Variants in CEMIP2 observed in about 807,000 individuals in gnomAD.
CEMIP2 encodes the protein cell surface hyaluronidase CEMIP2.
CEMIP2 carries 79 observed loss-of-function variants against 146.9 expected under a neutral mutation model. That is an observed-to-expected ratio of 0.54 (90% CI 0.45 to 0.65). The LOEUF (loss-of-function observed/expected upper bound fraction) is 0.65. Among genes scored for constraint, CEMIP2 ranks in the 30% least tolerant of loss-of-function variants. The pLI is 0.00. For missense variants in CEMIP2, 1,596 were observed against 1,696.2 expected (o/e 0.94, Z 1.04); for synonymous variants, 601 against 606.3 (o/e 0.99, Z 0.13).
intron 1 of CEMIP2, among the ~76,000 whole-genome samples, chr9:71,755,440 G>A (rs143930999): frequency 6.5e-4 from 99 of 151,730 alleles, no homozygotes; most frequent in African/African-American, 2.2e-3. Context: ...CTCCGGAGGC[G>A]GAGGCAGTGA....
intron 15 of CEMIP2, among the ~76,000 whole-genome samples, chr9:71,713,046 T>G (rs895750031): frequency 6.6e-6 from 1 of 152,184 alleles, no homozygotes; most frequent in African/African-American, 2.4e-5. Context: ...TTGAAAACCT[T>G]CGCATCATGA....
intron 1 of CEMIP2, among the ~76,000 whole-genome samples, chr9:71,750,858 T>C (rs1390010141): frequency 1.3e-5 from 2 of 152,124 alleles, no homozygotes; most frequent in Non-Finnish European, 2.9e-5. Context: ...GCAATCCTCC[T>C]GCCTGAGCCT....
intron 10 of CEMIP2, among the ~76,000 whole-genome samples, chr9:71,726,397 A>G (rs966718325): frequency 5.9e-5 from 9 of 152,224 alleles, no homozygotes; most frequent in African/African-American, 1.9e-4. Context: ...TCAATTAAAA[A>G]TCAGCCCAAT....
intron 20 of CEMIP2, among the ~76,000 whole-genome samples, chr9:71,695,331 A>C (rs1053170126): frequency 3.3e-5 from 5 of 152,094 alleles, no homozygotes; most frequent in African/African-American, 7.2e-5. Flanking sequence ...ACAATTTAAC[A>C]CTTAGAGGTA....
At chr9:71,737,660 C>T (rs1304104301) in intron 5 of CEMIP2, among the ~76,000 whole-genome samples, 1 of 152,076 alleles carries the variant, frequency 6.6e-6, no homozygotes, top group Non-Finnish European at 1.5e-5. Context: ...CATGAGTCAC[C>T]GTACCCGGCT....
intron 6 of CEMIP2, among the ~76,000 whole-genome samples, chr9:71,734,475 T>A (rs1226017109): frequency 6.6e-6 from 1 of 152,178 alleles, no homozygotes; most frequent in Non-Finnish European, 1.5e-5. Context: ...ACCTATGTAA[T>A]GAACCTACAC....
intron 1 of CEMIP2, among the ~76,000 whole-genome samples, chr9:71,760,706 A>G (rs1824608390): frequency 7.5e-6 from 1 of 134,168 alleles, no homozygotes; most frequent in Non-Finnish European, 1.7e-5. Context: ...GTAGCAATTA[A>G]GAACAGCTAA....
At chr9:71,722,590 A>T in intron 11 of CEMIP2, 75 bp from the exon 12 acceptor site, 1 of 1,234,766 alleles carries the variant, frequency 8.1e-7, no homozygotes, top group Non-Finnish European at 1.2e-6. Context: ...ATTCATGAAA[A>T]TAGATTTTAG....
chr9:71,732,460 A>G lies in CEMIP2; in HGVS notation c.1454T>C (p.Val485Ala), dbSNP rs770364211. ...CACAATATTCCGGGTAAGAATTCCA[A>G]CCTCAGCTCTCATGTCTACACCGTC... Reference protein sequence around the residue: ...IIDGVDMRAEVGILTRNIVIQ... With the variant: ...IIDGVDMRAEAGILTRNIVIQ... Residue 485 changes from valine (V) to alanine (A), a missense_variant, in exon 7 of 24, where the codon GTT becomes GCT. By Grantham distance (64) the Val-to-Ala change is moderately conservative. Coordinates refer to ENST00000377044, the MANE Select transcript of CEMIP2 (RefSeq NM_013390.3). 2 of 1,613,878 alleles carry G rather than the reference A, an allele frequency of 1.2e-6. No individual in the cohort carries two copies. Among genetic ancestry groups the G allele is most frequent in the East Asian group, 2.2e-5 (1 of 44,846 alleles).
rs59985618 is a variant in CEMIP2, at chr9:71,732,686, ATTTTTTTTTTTTTTTTT to A, written c.1394-183_1394-167del. Among the ~76,000 whole-genome samples the A allele has an allele frequency of 3.9e-3, 299 of 75,900 alleles. 1 individual carries two copies. The highest frequency in any genetic ancestry group is 0.018 in the African/African-American group (286 of 16,118). 49.8% of individuals were successfully genotyped at this position (75,900 alleles called of 152,430 possible). A position where few individuals can be genotyped will look rare whatever the true frequency, so the allele number is the denominator to read the frequency against. ...GAATCAGAATCCCAGGACACGGGGA[ATTTTTTTTTTTTTTTTT>A]TTTTTTTTTTTTTTTTTTTGTGAGA... On this transcript the variant is annotated intron_variant, in intron 6 of 23. Transcript: ENST00000377044.
chr9:71,692,937 C>CAACA (rs1822276931), intron 21 of CEMIP2, among the ~76,000 whole-genome samples: 1 of 151,468 alleles, frequency 6.6e-6, no homozygotes, highest in Admixed American at 6.6e-5. Context: ...ACAACAACAA[C>CAACA]AAAAACCAAG....
chr9:71,741,185 A>ATTTT lies in CEMIP2; in HGVS notation c.1035-957_1035-954dup, dbSNP rs79872255. Among the ~76,000 whole-genome samples the ATTTT allele has an allele frequency of 3.2e-4, 23 of 72,238 alleles. 1 individual carries two copies. Among genetic ancestry groups the ATTTT allele is most frequent in the South Asian group, 1.2e-3 (3 of 2,432 alleles). The allele number at this position is 72,238 out of a possible 152,430, so 47.4% of individuals were successfully genotyped here. ...CAGGCAAGGTTGAGAACTGAGTTAG[A>ATTTT]TTTTTTTTTTTTTTTTTTTTTTTTT... On this transcript the variant is annotated intron_variant, in intron 4 of 23. Transcript: ENST00000377044.
intron 17 of CEMIP2, among the ~76,000 whole-genome samples, chr9:71,705,724 ATTAAT>A (rs1822714473): frequency 1.3e-5 from 2 of 149,948 alleles, no homozygotes; most frequent in Admixed American, 1.3e-4. Flanking sequence ...TATAATATAT[ATTAAT>A]TTAAACATAC....
chr9:71,715,607 T>C (rs1823027123), intron 14 of CEMIP2, among the ~76,000 whole-genome samples: 1 of 136,220 alleles, frequency 7.3e-6, no homozygotes, highest in Non-Finnish European at 1.6e-5. Context: ...TATATATACA[T>C]ACATATATCC....
intron 17 of CEMIP2, among the ~76,000 whole-genome samples, chr9:71,708,337 C>A (rs553146628): frequency 1.3e-5 from 2 of 152,210 alleles, no homozygotes; most frequent in Non-Finnish European, 2.9e-5. Context: ...ATTAAAATCA[C>A]CTTTGCAACT....
intron 1 of CEMIP2, among the ~76,000 whole-genome samples, chr9:71,750,676 A>G (rs1824225596): frequency 6.6e-6 from 1 of 151,100 alleles, no homozygotes; most frequent in African/African-American, 2.4e-5. Context: ...CGAACTCCCA[A>G]CCTCAGGTGA....
chr9:71,751,343 C>T lies in CEMIP2; in HGVS notation c.-12-958G>A, dbSNP rs1438538397. Among the ~76,000 whole-genome samples, 3 of 152,174 alleles carry T rather than the reference C, an allele frequency of 2.0e-5. No individual in the cohort carries two copies. In the South Asian group the frequency reaches 6.2e-4, roughly 32 times the overall value. On this transcript the variant is annotated intron_variant, in intron 1 of 23. Transcript: ENST00000377044. ...ATCTAATAAACCATGTTGACAATCACCTTCATTACTTGTGTTCTAATGTCA... is the reference window on the plus strand; with the variant it reads ...ATCTAATAAACCATGTTGACAATCATCTTCATTACTTGTGTTCTAATGTCA...
At chr9:71,687,343 CATG>C (rs1394165207) in intron 22 of CEMIP2, 1 of 152,150 alleles carries the variant, frequency 6.6e-6, no homozygotes, top group Non-Finnish European at 1.5e-5. Context: ...AATTATCTTC[CATG>C]AAACTGGTCC....
intron 15 of CEMIP2, among the ~76,000 whole-genome samples, chr9:71,713,637 T>G (rs2131913783): frequency 6.6e-6 from 1 of 152,294 alleles, no homozygotes; most frequent in South Asian, 2.1e-4. Context: ...TGAAATTGAT[T>G]TGGCGACCAT....
Sources: allele counts gnomAD v4.1 joint callset (sites outside exome capture counted in the v4.1 genomes callset), GRCh38; gene constraint gnomAD v4.1.1; transcripts MANE v1.5; gene names NCBI Gene and HGNC (gene_info 2026-07-23, HGNC 2026-07-21).